Variants in PTPRN2 observed in about 807,000 individuals in gnomAD.
PTPRN2 encodes the protein protein tyrosine phosphatase receptor type N2, also known as receptor-type tyrosine-protein phosphatase N2.
In PTPRN2, 74 loss-of-function variants were observed where a neutral mutation model predicts 118.8. That is an observed-to-expected ratio of 0.62 (90% confidence interval 0.52 to 0.76). The LOEUF (loss-of-function observed/expected upper bound fraction) is 0.76, where lower values mean the gene tolerates loss of function less well. Among genes scored for constraint, PTPRN2 ranks in the 30% least tolerant of loss-of-function variants. The probability of loss-of-function intolerance (pLI) is 0.00; values close to 1 mark genes in which losing one functional copy is unlikely to be tolerated. For missense variants in PTPRN2, 1,481 were observed against 1,394.4 expected (o/e 1.06, Z -0.99); for synonymous variants, 641 against 608.0 (o/e 1.05, Z -0.80).
chr7:157,788,558 C>A (rs1804229150), intron 12 of PTPRN2, among the ~76,000 whole-genome samples: 2 of 152,156 alleles, frequency 1.3e-5, no homozygotes, highest in Admixed American at 1.3e-4. Context: ...AAGAGTCCCC[C>A]ACGACCTCTT....
chr7:158,329,208 C>A (rs533429991), intron 2 of PTPRN2, among the ~76,000 whole-genome samples: 1 of 152,294 alleles, frequency 6.6e-6, no homozygotes, highest in Non-Finnish European at 1.5e-5. Flanking sequence ...CAGGGGGAAG[C>A]GTGGCGGGTG....
chr7:157,769,383 G>A (rs1009394420), intron 12 of PTPRN2, among the ~76,000 whole-genome samples: 1 of 152,162 alleles, frequency 6.6e-6, no homozygotes, highest in African/African-American at 2.4e-5. Flanking sequence ...CCCTTCCCTG[G>A]ATGACTCCCC....
At position 158,362,481 on chromosome 7, in the gene PTPRN2, A is replaced by G. The variant is rs370128041; in HGVS notation, c.164-45549T>C. ...TCTGCCCATCAGACCTCAGAAAGGC[A>G]AAGGACTTTGTGGGATAACTCAGGT... is the stretch of plus-strand genomic sequence containing the variant. On this transcript the variant is annotated intron_variant, in intron 2 of 22. Transcript: ENST00000389418. 4.6e-5 allele frequency among the ~76,000 whole-genome samples: 7 copies of G among 152,264 alleles called. No homozygotes were observed. In the East Asian group the frequency reaches 1.3e-3, roughly 29 times the overall value.
chr7:158,219,344 A>G (rs900791331), intron 3 of PTPRN2, among the ~76,000 whole-genome samples: 1 of 152,224 alleles, frequency 6.6e-6, no homozygotes, highest in Non-Finnish European at 1.5e-5. Context: ...ATTAATGCAG[A>G]AATCAAAAAA....
At chr7:157,649,917 C>T (rs1221718437) in intron 14 of PTPRN2, among the ~76,000 whole-genome samples, 2 of 78,726 alleles carry the variant, frequency 2.5e-5, no homozygotes, top group African/African-American at 3.7e-5. Flanking sequence ...GCACTGAACT[C>T]GGTGGGTCGG....
At chr7:158,321,665 A>T (rs542170524) in intron 2 of PTPRN2, among the ~76,000 whole-genome samples, 2 of 152,184 alleles carry the variant, frequency 1.3e-5, no homozygotes, top group Non-Finnish European at 2.9e-5. Flanking sequence ...ACTGCTGGCA[A>T]CTGAGTTCAA....
intron 10 of PTPRN2, among the ~76,000 whole-genome samples, chr7:158,086,989 C>T (rs907768469): frequency 5.3e-5 from 8 of 152,192 alleles, no homozygotes; most frequent in South Asian, 2.1e-4. Context: ...GCCACTTCCT[C>T]GCGGGGCGAT....
intron 1 of PTPRN2, among the ~76,000 whole-genome samples, chr7:158,491,752 A>C (rs180839768): frequency 6.6e-6 from 1 of 152,272 alleles, no homozygotes; most frequent in South Asian, 2.1e-4. Context: ...GGCCTCCCAA[A>C]GTGCTGGGAT....
At chr7:157,940,655 T>TGACACTGCAAATCTAACACTCTCCCCGAA (rs1800005128) in intron 11 of PTPRN2, among the ~76,000 whole-genome samples, 1 of 120,650 alleles carries the variant, frequency 8.3e-6, no homozygotes, top group Non-Finnish European at 1.7e-5. Flanking sequence ...CTCCCCACCG[T>TGACACTGCAAATCTAACACTCTCCCCGAA]GACACTGCAA....
intron 2 of PTPRN2, among the ~76,000 whole-genome samples, chr7:158,471,612 C>T (rs531457159): frequency 1.8e-4 from 27 of 152,026 alleles, no homozygotes; most frequent in African/African-American, 4.1e-4. Context: ...CGCTTGAACC[C>T]GGGAGTCAGA....
intron 12 of PTPRN2, among the ~76,000 whole-genome samples, chr7:157,891,270 C>T (rs1322013943): frequency 5.3e-5 from 8 of 152,138 alleles, no homozygotes; most frequent in Admixed American, 5.2e-4. Flanking sequence ...GAGCTGTGTA[C>T]AGTAGCAAAC....
chr7:158,111,340 G>A (rs1209350966), intron 9 of PTPRN2, among the ~76,000 whole-genome samples: 6 of 152,304 alleles, frequency 3.9e-5, no homozygotes, highest in East Asian at 1.9e-4. Context: ...ATGGAAGTGT[G>A]AGCATGGAAA....
At chr7:158,489,479 G>C (rs774680891) in intron 2 of PTPRN2, among the ~76,000 whole-genome samples, 17 of 152,204 alleles carry the variant, frequency 1.1e-4, no homozygotes, top group Non-Finnish European at 2.1e-4. Flanking sequence ...TGAAAAACTT[G>C]CCGAAGGACA....
intron 3 of PTPRN2, among the ~76,000 whole-genome samples, chr7:158,276,478 A>G (rs889528132): frequency 3.7e-3 from 271 of 73,772 alleles, no homozygotes; most frequent in African/African-American, 0.018. Context: ...TATCACCCCC[A>G]CACCCCGGCC....
At chr7:158,338,036 CACTCTCACCATAAGAGGTGACACCT>C (rs1806029821) in intron 2 of PTPRN2, among the ~76,000 whole-genome samples, 2 of 41,824 alleles carry the variant, frequency 4.8e-5, no homozygotes, top group African/African-American at 8.1e-5. Flanking sequence ...CTCACACCCA[CACTCTCACCATAAGAGGTGACACCT>C]GCAGACGTCA....
At position 158,565,413 on chromosome 7, in the gene PTPRN2, G is replaced by C. The variant is rs879771078; in HGVS notation, c.112+22145C>G. On this transcript the variant is annotated intron_variant, in intron 1 of 22. Transcript: ENST00000389418. This position sits in a 1 kb window ranked among gnomAD's most constrained non-coding sequence, Gnocchi z 4.6. ...ACAGAGCCAGCTCTGGGCTGTGGCTGGTCATCTCAACCCCAGGTGCCACAG... is the reference window on the plus strand; with the variant it reads ...ACAGAGCCAGCTCTGGGCTGTGGCTCGTCATCTCAACCCCAGGTGCCACAG... Among the ~76,000 whole-genome samples, 6 of 152,154 alleles carry C rather than the reference G, an allele frequency of 3.9e-5. No homozygotes were observed. The highest frequency in any genetic ancestry group is 7.4e-5 in the Non-Finnish European group (5 of 68,008).
intron 2 of PTPRN2, among the ~76,000 whole-genome samples, chr7:158,397,596 G>A (rs755212729): frequency 5.3e-4 from 80 of 152,114 alleles, no homozygotes; most frequent in Non-Finnish European, 1.0e-3. Flanking sequence ...GAAAGCTGGG[G>A]GCCGAAATGT....
intron 2 of PTPRN2, among the ~76,000 whole-genome samples, chr7:158,369,958 C>T (rs975355066): frequency 1.9e-4 from 29 of 152,122 alleles, no homozygotes; most frequent in African/African-American, 6.3e-4. Context: ...GTGGTCTCAG[C>T]GGGCAGGAGG....
rs79541544 is a variant in PTPRN2, at chr7:158,086,679, C to T, written c.1644-5302G>A. On this transcript the variant is annotated intron_variant, in intron 10 of 22. Coordinates refer to ENST00000389418, the MANE Select transcript of PTPRN2 (RefSeq NM_002847.5). ...CCTTGTTTTACAGTATGAGCTGAAA[C>T]GAGAAGGCGGAGCTGTCCTCTCCCA... Among the ~76,000 whole-genome samples, 550 of 152,304 alleles carry T rather than the reference C, an allele frequency of 3.6e-3. 12 individuals are homozygous for T. In the East Asian group the frequency reaches 0.06, roughly 17 times the overall value.
Sources: gnomAD v4.1 joint callset for allele counts (sites outside exome capture counted in the v4.1 genomes callset) on GRCh38, gnomAD v4.1.1 for gene constraint, Gnocchi (gnomAD v3.1) non-coding constraint, MANE v1.5 for transcripts, NCBI Gene and HGNC (gene_info 2026-07-23, HGNC 2026-07-21) for gene names.